Variants in RSU1 observed in about 807,000 individuals in gnomAD.
RSU1 encodes the protein rsu-1.
RSU1 carries 26 observed loss-of-function variants against 31.1 expected under a neutral mutation model. The ratio of observed to expected loss-of-function variants is 0.84; its 90% CI spans 0.61 to 1.16. The LOEUF is 1.16. Ranked by LOEUF, RSU1 falls within the 50% of genes most tolerant of loss-of-function variation. RSU1 has a pLI of 0.00. For synonymous variants in RSU1, 164 were observed against 136.3 expected (o/e 1.20, Z -1.41); for missense variants, 320 against 339.1 (o/e 0.94, Z 0.44).
At chr10:16,650,736 C>T (rs1325199721) in intron 8 of RSU1, among the ~76,000 whole-genome samples, 1 of 147,030 alleles carries the variant, frequency 6.8e-6, no homozygotes, top group African/African-American at 2.5e-5. Context: ...CCCGCCACCA[C>T]ACCCGGCTAC....
chr10:16,743,614 T>C (rs562770292), intron 7 of RSU1, among the ~76,000 whole-genome samples: 1 of 152,328 alleles, frequency 6.6e-6, no homozygotes, highest in African/African-American at 2.4e-5. Flanking sequence ...AACATCCTTG[T>C]CACTTACTGC....
intron 7 of RSU1, among the ~76,000 whole-genome samples, chr10:16,697,987 CTTTTTTT>C (rs67816326): frequency 3.0e-5 from 3 of 99,580 alleles, no homozygotes; most frequent in African/African-American, 9.9e-5. Flanking sequence ...AGGAACACAC[CTTTTTTT>C]TTTTTTTTTT....
Position 16,666,206 on chromosome 10 carries a change from C to A in RSU1, c.731+28817G>T, listed in dbSNP as rs373058595. 4.6e-5 allele frequency among the ~76,000 whole-genome samples: 7 copies of A among 151,562 alleles called. No individual in the cohort carries two copies. The South Asian group carries it at 8.4e-4, about 18-fold the overall frequency. On this transcript the variant is annotated intron_variant, in intron 8 of 8. Transcript: ENST00000345264. Reference sequence around the variant, plus strand: ...ACTAGAATACATTGATGATCCCTTACTACAAGTACTTTTATACCTAGAGAT... The same window carrying A: ...ACTAGAATACATTGATGATCCCTTAATACAAGTACTTTTATACCTAGAGAT...
intron 8 of RSU1, among the ~76,000 whole-genome samples, chr10:16,618,614 G>T (rs1343547893): frequency 1.3e-5 from 2 of 152,112 alleles, no homozygotes; most frequent in African/African-American, 4.8e-5. Context: ...AAGAAAATAG[G>T]GCACATACAC....
intron 8 of RSU1, among the ~76,000 whole-genome samples, chr10:16,617,486 C>A (rs1375387249): frequency 6.6e-6 from 1 of 152,192 alleles, no homozygotes; most frequent in African/African-American, 2.4e-5. Flanking sequence ...AAAAAAACTA[C>A]TTTACCTTTC....
chr10:16,686,410 G>C (rs989149985), intron 8 of RSU1, among the ~76,000 whole-genome samples: 12 of 152,178 alleles, frequency 7.9e-5, no homozygotes, highest in Non-Finnish European at 1.3e-4. Context: ...TTTCACTTCA[G>C]TGAGGTCAAT....
intron 2 of RSU1, among the ~76,000 whole-genome samples, chr10:16,813,636 T>C (rs995090054): frequency 2.0e-5 from 3 of 152,234 alleles, no homozygotes; most frequent in Non-Finnish European, 4.4e-5. Context: ...AGAGGTTAAG[T>C]AGCTTCTCTA....
chr10:16,656,676 C>T (rs1193634026), intron 8 of RSU1, among the ~76,000 whole-genome samples: 3 of 152,208 alleles, frequency 2.0e-5, no homozygotes, highest in African/African-American at 7.2e-5. Context: ...ATGGAATTAA[C>T]AGAGCTAAAC....
At chr10:16,749,723 A>G (rs1174700738) in intron 7 of RSU1, among the ~76,000 whole-genome samples, 1 of 152,234 alleles carries the variant, frequency 6.6e-6, no homozygotes, top group East Asian at 1.9e-4. Flanking sequence ...TTTGTCTTGC[A>G]GAGGCCATCT....
chr10:16,674,398 G>GT (rs1835183048), intron 8 of RSU1, among the ~76,000 whole-genome samples: 1 of 135,624 alleles, frequency 7.4e-6, no homozygotes, highest in African/African-American at 3.0e-5. Context: ...TGTCACGGAA[G>GT]GTTTTTTTTT....
chr10:16,707,570 G>GTTTT (rs59600318), intron 7 of RSU1, among the ~76,000 whole-genome samples: 4 of 142,076 alleles, frequency 2.8e-5, no homozygotes, highest in African/African-American at 7.7e-5. Context: ...TCTTAATCAG[G>GTTTT]TTTTTTTTTT....
Position 16,623,687 on chromosome 10 carries a change from G to A in RSU1, c.732-30191C>T, listed in dbSNP as rs545889153. On this transcript the variant is annotated intron_variant, in intron 8 of 8. Coordinates refer to ENST00000345264, the MANE Select transcript of RSU1 (RefSeq NM_012425.4). ...TTCTCTGCAGCCTCGCCAGCATGTT[G>A]TTTTTTGACATTTTAATAACAGCCA... Among the ~76,000 whole-genome samples, 4 of 152,224 alleles carry A rather than the reference G, an allele frequency of 2.6e-5. No individual in the cohort carries two copies. In the East Asian group the frequency reaches 5.8e-4, roughly 22 times the overall value.
intron 2 of RSU1, among the ~76,000 whole-genome samples, chr10:16,791,902 T>C (rs986381615): frequency 6.6e-6 from 1 of 152,166 alleles, no homozygotes; most frequent in Admixed American, 6.5e-5. Flanking sequence ...TAGTTTTCAA[T>C]CTGGCAAATT....
intron 2 of RSU1, among the ~76,000 whole-genome samples, chr10:16,812,557 C>T (rs1310100904): frequency 6.6e-6 from 1 of 152,182 alleles, no homozygotes; most frequent in African/African-American, 2.4e-5. Context: ...ACATGGATAG[C>T]ATGTGTTCCA....
In RSU1 at chr10:16,667,029, AAACAAC is replaced by A. The variant is rs56748832; in HGVS notation, c.731+27988_731+27993del. On this transcript the variant is annotated intron_variant, in intron 8 of 8. Coordinates refer to ENST00000345264, the MANE Select transcript of RSU1 (RefSeq NM_012425.4). ...AAACCAAACCAAAACAAAGCAAAAC[AAACAAC>A]AACAACAACAACAACAACAAAAAAC... Among the ~76,000 whole-genome samples the A allele has an allele frequency of 3.3e-3, 492 of 151,024 alleles. 2 individuals are homozygous for A. The highest frequency in any genetic ancestry group is 5.3e-3 in the South Asian group (25 of 4,728).
intron 8 of RSU1, among the ~76,000 whole-genome samples, chr10:16,672,280 A>G (rs1323901983): frequency 1.6e-4 from 25 of 152,094 alleles, no homozygotes; most frequent in Non-Finnish European, 2.9e-5. Context: ...ACTGCACTCC[A>G]GCCTGGGCGA....
At chr10:16,700,467 C>T (rs973440571) in intron 7 of RSU1, among the ~76,000 whole-genome samples, 1 of 152,170 alleles carries the variant, frequency 6.6e-6, no homozygotes, top group African/African-American at 2.4e-5. Flanking sequence ...ATCACCTCTT[C>T]TCTGCGGCGA....
chr10:16,695,608 A>G (rs1205263752), intron 7 of RSU1, among the ~76,000 whole-genome samples: 1 of 152,206 alleles, frequency 6.6e-6, no homozygotes, highest in African/African-American at 2.4e-5. Flanking sequence ...AATATTACCC[A>G]AGCCAAACCG....
At chr10:16,745,906 C>T (rs1170537457) in intron 7 of RSU1, among the ~76,000 whole-genome samples, 1 of 152,186 alleles carries the variant, frequency 6.6e-6, no homozygotes, top group African/African-American at 2.4e-5. Context: ...ATGACAGTAA[C>T]AGAAGAGAAG....
Sources: allele counts gnomAD v4.1 joint callset (sites outside exome capture counted in the v4.1 genomes callset), GRCh38; gene constraint gnomAD v4.1.1; transcripts MANE v1.5; gene names NCBI Gene and HGNC (gene_info 2026-07-23, HGNC 2026-07-21).